The following GGT1 variants were observed in gnomAD, a reference collection of about 807,000 sequenced individuals.
The protein encoded by GGT1 is gamma-glutamyltransferase 1, also known as glutathione hydrolase 1 proenzyme.
In GGT1, 21 loss-of-function variants were observed where a neutral mutation model predicts 56.0. The ratio of observed to expected loss-of-function variants is 0.38; its 90% CI spans 0.27 to 0.54. The LOEUF (loss-of-function observed/expected upper bound fraction) is 0.54. Ranked by LOEUF, GGT1 falls within the 20% of genes least tolerant of loss-of-function variation. The pLI is 0.82. For missense variants in GGT1, 466 were observed against 787.0 expected (o/e 0.59, Z 4.88); for synonymous variants, 238 against 342.6 (o/e 0.69, Z 3.37).
At position 24,605,794 on chromosome 22, in the gene GGT1, A is replaced by T. The variant is rs1327058618; in HGVS notation, c.-428-2160A>T. On this transcript the variant is annotated intron_variant, in intron 1 of 15. Transcript: ENST00000400382. ...TATAATGTGTATTATATATTATATA[A>T]TATATGATGTGTATTATATATTATA... Among the ~76,000 whole-genome samples, 20 of 52,906 alleles carry T rather than the reference A, an allele frequency of 3.8e-4. 2 individuals carry two copies. The highest frequency in any genetic ancestry group is 1.2e-3 in the African/African-American group (6 of 4,978). The allele number at this position is 52,906 out of a possible 152,430, so 34.7% of individuals were successfully genotyped here. A position where few individuals can be genotyped will look rare whatever the true frequency, so the allele number is the denominator to read the frequency against.
At chr22:24,597,081 C>T (rs981178555) in intron 1 of GGT1, among the ~76,000 whole-genome samples, 3 of 151,128 alleles carry the variant, frequency 2.0e-5, no homozygotes, top group Non-Finnish European at 4.4e-5. Context: ...CTCCCAGGTT[C>T]AAGCGATTCT....
chr22:24,588,315 C>G, the GGT1 span: 1 of 1,612,608 alleles, frequency 6.2e-7, no homozygotes, highest in Non-Finnish European at 8.5e-7. Flanking sequence ...CCGAGGACTT[C>G]CAGAGCTCAT....
chr22:24,592,722 G>A, upstream of GGT1: 1 of 1,292,230 alleles, frequency 7.7e-7, no homozygotes, highest in South Asian at 1.6e-5. Context: ...CTCGGAACCC[G>A]CCTGCGCGCG....
At chr22:24,591,088 CTT>C (rs368383621), upstream of GGT1, among the ~76,000 whole-genome samples, 57 of 151,008 alleles carry the variant, frequency 3.8e-4, 1 homozygote, top group East Asian at 0.011. Context: ...CAGAGGGTCT[CTT>C]TGTTTTGAGA....
chr22:24,597,629 C>T (rs188345927), intron 1 of GGT1, among the ~76,000 whole-genome samples: 2 of 152,030 alleles, frequency 1.3e-5, no homozygotes, highest in Non-Finnish European at 2.9e-5. Context: ...TTCAGTGAGC[C>T]GAGATAGCAC....
chr22:24,596,971 CT>C, intron 1 of GGT1, among the ~76,000 whole-genome samples: 1 of 134,754 alleles, frequency 7.4e-6, no homozygotes, highest in Non-Finnish European at 1.6e-5. Flanking sequence ...CTCATTCATT[CT>C]TTTTTTAATT....
intron 11 of GGT1, among the ~76,000 whole-genome samples, chr22:24,626,578 A>G (rs1251674734): frequency 1.3e-5 from 2 of 151,630 alleles, no homozygotes; most frequent in Non-Finnish European, 2.9e-5. Context: ...ACCATCCCCA[A>G]ACCTGCCCCT....
At chr22:24,593,130 A>G, upstream of GGT1, 1 of 1,002,726 alleles carries the variant, frequency 1.0e-6, no homozygotes, top group Non-Finnish European at 1.2e-6. Flanking sequence ...GCCTCCAATC[A>G]CCGCGGCCCT....
intron 7 of GGT1, among the ~76,000 whole-genome samples, chr22:24,616,554 CTTTTTTT>C (rs113675142): frequency 1.5e-5 from 2 of 131,994 alleles, no homozygotes; most frequent in Admixed American, 7.6e-5. Context: ...TTTTTTTTTT[CTTTTTTT>C]TTTTTTTGTC....
intron 7 of GGT1, chr22:24,616,120 A>G (rs2047045612): frequency 6.6e-6 from 1 of 152,174 alleles, no homozygotes; most frequent in African/African-American, 2.4e-5. Context: ...CCAAAAAAAA[A>G]AAAAAGGCTG....
chr22:24,587,226 C>T, the GGT1 span, among the ~76,000 whole-genome samples: 2 of 152,142 alleles, frequency 1.3e-5, no homozygotes, highest in South Asian at 2.1e-4. Context: ...TAGAGAGGGA[C>T]AGGCCCACAG....
chr22:24,623,956 G>T (rs754864001), intron 11 of GGT1, 40 bp downstream of exon 11: 1 of 1,609,668 alleles, frequency 6.2e-7, no homozygotes, highest in East Asian at 2.2e-5. Context: ...TGTGGGGCCT[G>T]CCATAGAGGC....
chr22:24,605,230 TATTA>T (rs1364582619), intron 1 of GGT1, among the ~76,000 whole-genome samples: 1 of 21,422 alleles, frequency 4.7e-5, no homozygotes, highest in Non-Finnish European at 7.5e-5. Flanking sequence ...ATATAATATG[TATTA>T]TATTATATAT....
the GGT1 span, chr22:24,588,681 CA>C: frequency 2.7e-6 from 3 of 1,106,924 alleles, no homozygotes; most frequent in African/African-American, 4.8e-5. Flanking sequence ...GGACTTGCCA[CA>C]GGGGGAGGAG....
intron 7 of GGT1, among the ~76,000 whole-genome samples, chr22:24,617,035 AAGATGGC>A (rs2047115659): frequency 6.6e-6 from 1 of 152,182 alleles, no homozygotes; most frequent in Admixed American, 6.5e-5. Flanking sequence ...GTGAAAAACA[AAGATGGC>A]AGATGAAATC....
At chr22:24,587,969 A>G in the GGT1 span, among the ~76,000 whole-genome samples, 1 of 152,094 alleles carries the variant, frequency 6.6e-6, no homozygotes, top group Non-Finnish European at 1.5e-5. Flanking sequence ...GGATGTATGA[A>G]TGGCAGGAGG....
Position 24,624,305 on chromosome 22 carries a change from G to A in GGT1, c.1020+389G>A, listed in dbSNP as rs140406545. 1,908 of 983,654 alleles carry A rather than the reference G, an allele frequency of 1.9e-3. 19 individuals carry two copies. In the African/African-American group the frequency reaches 0.03, roughly 16 times the overall value. The allele number at this position is 983,654 out of a possible 1,614,324, so 60.9% of individuals were successfully genotyped here. A position where few individuals can be genotyped will look rare whatever the true frequency, so the allele number is the denominator to read the frequency against. On this transcript the variant is annotated intron_variant, in intron 11 of 15. Transcript: ENST00000400382. ...CCACTCCCTGTCACTCCAAACTAAC[G>A]CTTCCCAGATGCCACCCTCAGCCCT...
chr22:24,586,930 C>A, the GGT1 span, among the ~76,000 whole-genome samples: 1 of 152,246 alleles, frequency 6.6e-6, no homozygotes, highest in Non-Finnish European at 1.5e-5. Context: ...GGATTAAATG[C>A]ACACACAGTA....
chr22:24,604,110 C>A (rs1248800278), intron 1 of GGT1, among the ~76,000 whole-genome samples: 1 of 148,750 alleles, frequency 6.7e-6, no homozygotes, highest in Non-Finnish European at 1.5e-5. Flanking sequence ...CAGTCCAGGG[C>A]TGTAGGCAGT....
Sources: allele counts gnomAD v4.1 joint callset (sites outside exome capture counted in the v4.1 genomes callset), GRCh38; gene constraint gnomAD v4.1.1; transcripts MANE v1.5; gene names NCBI Gene and HGNC (gene_info 2026-07-23, HGNC 2026-07-21).